The following BEST3 variants were observed in gnomAD, a reference collection of about 807,000 sequenced individuals.
BEST3 encodes the protein bestrophin 3.
A neutral mutation model predicts 47.1 loss-of-function variants in BEST3; 50 were observed. The ratio of observed to expected loss-of-function variants is 1.06; its 90% CI spans 0.85 to 1.34. The LOEUF (loss-of-function observed/expected upper bound fraction) is 1.34, where lower values mean the gene tolerates loss of function less well. BEST3 is among the 40% of genes most tolerant of loss of function. BEST3 has a pLI of 0.00. For synonymous variants in BEST3, 282 were observed against 298.8 expected (o/e 0.94, Z 0.58); for missense variants, 765 against 817.0 (o/e 0.94, Z 0.78).
rs541537961 is a variant in BEST3 at position 69,686,429 on chromosome 12, C to T, written c.481+7245G>A. Among the ~76,000 whole-genome samples, 77 of 151,958 alleles carry T rather than the reference C, an allele frequency of 5.1e-4. 1 individual carries two copies. Among genetic ancestry groups the T allele is most frequent in the Middle Eastern group, 3.4e-3 (1 of 294 alleles). On this transcript the variant is annotated intron_variant, in intron 4 of 9. Coordinates refer to ENST00000330891, the MANE Select transcript of BEST3 (RefSeq NM_032735.3). Reference sequence around the variant, plus strand: ...TATTATTGTTTTCCTTGAGTTTGTACATTAGTCCCAAAAAACAGCCTCAAG... The same window carrying T: ...TATTATTGTTTTCCTTGAGTTTGTATATTAGTCCCAAAAAACAGCCTCAAG...
intron 4 of BEST3, 134 bp downstream of exon 4, chr12:69,693,540 C>T (rs1886010181): frequency 4.0e-6 from 3 of 755,046 alleles, no homozygotes; most frequent in South Asian, 1.9e-5. Context: ...GCTGGGATTA[C>T]AGGCATGAGC....
intron 9 of BEST3, among the ~76,000 whole-genome samples, chr12:69,645,276 A>T (rs2135891046): frequency 6.6e-6 from 1 of 152,310 alleles, no homozygotes; most frequent in South Asian, 2.1e-4. Context: ...AAGCTCACTG[A>T]GTTTTTGTTA....
rs534973257 is a variant in BEST3 at position 69,671,352 on chromosome 12, T to C, written c.1100+76A>G. The C allele has an allele frequency of 1.8e-5, 24 of 1,340,248 alleles. No homozygotes were observed. In the East Asian group the frequency reaches 6.1e-4, roughly 34 times the overall value. 83.0% of individuals were successfully genotyped at this position (1,340,248 alleles called of 1,614,324 possible). On this transcript the variant is annotated intron_variant, in intron 9 of 9. Coordinates refer to ENST00000330891, the MANE Select transcript of BEST3 (RefSeq NM_032735.3). ...ACTTTAAATTATTTTATTTCTTTTTTTTTTTTTATAGAGACAAGGTCTCAC... is the reference window on the plus strand; with the variant it reads ...ACTTTAAATTATTTTATTTCTTTTTCTTTTTTTATAGAGACAAGGTCTCAC...
intron 9 of BEST3, 78 bp downstream of exon 9, chr12:69,671,350 T>C: frequency 7.6e-7 from 1 of 1,313,214 alleles, no homozygotes; most frequent in Non-Finnish European, 1.0e-6. Flanking sequence ...TTATTTCTTT[T>C]TTTTTTTTTA....
At chr12:69,678,507 G>A (rs1409548576) in intron 5 of BEST3, among the ~76,000 whole-genome samples, 1 of 152,106 alleles carries the variant, frequency 6.6e-6, no homozygotes. Flanking sequence ...CTATTACAAA[G>A]CATGATTCTG....
chr12:69,674,008 C>A (rs1284519138), intron 7 of BEST3, among the ~76,000 whole-genome samples: 1 of 152,078 alleles, frequency 6.6e-6, no homozygotes, highest in Non-Finnish European at 1.5e-5. Context: ...ACTCATCTAT[C>A]ATTTTCCTTG....
intron 9 of BEST3, among the ~76,000 whole-genome samples, chr12:69,664,739 G>A (rs1021915549): frequency 2.7e-5 from 4 of 149,060 alleles, no homozygotes; most frequent in Admixed American, 2.0e-4. Context: ...AGCCAATATA[G>A]TAGAGGTAGA....
rs748895193 is a variant in BEST3 at position 69,694,416 on chromosome 12, A to C, written c.201T>G (p.Ile67Met). ...TTTGTTCAGCATATCTGTCACAGTAAATTGATAATTTTTCAAAGTAACGTT... is the reference window on the plus strand; with the variant it reads ...TTTGTTCAGCATATCTGTCACAGTACATTGATAATTTTTCAAAGTAACGTT... ...VQKRYFEKLS[I>M]YCDRYAEQIP... is the part of the protein sequence containing the mutation. The change falls in exon 3 of 10, where the codon ATT (isoleucine) becomes ATG (methionine). Residue 67 changes from isoleucine to methionine, a missense_variant. Ile to Met is a conservative substitution (Grantham distance 10). Transcript: ENST00000330891. The C allele has an allele frequency of 1.2e-6, 2 of 1,609,920 alleles. No homozygotes were observed. The highest frequency in any genetic ancestry group is 1.7e-6 in the Non-Finnish European group (2 of 1,178,308).
intron 7 of BEST3, among the ~76,000 whole-genome samples, chr12:69,675,431 A>G (rs918711051): frequency 1.3e-5 from 2 of 152,180 alleles, no homozygotes; most frequent in Non-Finnish European, 1.5e-5. Context: ...ACAGTTTATA[A>G]AGGAAAAGGA....
intron 4 of BEST3, among the ~76,000 whole-genome samples, chr12:69,680,194 C>T (rs1389897314): frequency 2.6e-5 from 4 of 151,652 alleles, no homozygotes; most frequent in Non-Finnish European, 5.9e-5. Context: ...GATTGAATGA[C>T]TGAATAAGAG....
chr12:69,671,971 TTC>T (rs1884604649), intron 8 of BEST3, among the ~76,000 whole-genome samples: 1 of 152,252 alleles, frequency 6.6e-6, no homozygotes, highest in Non-Finnish European at 1.5e-5. Flanking sequence ...CCGCTTTTCA[TTC>T]TGTTAACCCT....
At chr12:69,666,993 T>A (rs1884262413) in intron 9 of BEST3, among the ~76,000 whole-genome samples, 1 of 152,216 alleles carries the variant, frequency 6.6e-6, no homozygotes, top group African/African-American at 2.4e-5. Context: ...TCTGGTCTTA[T>A]CCTCAGCTAT....
intron 9 of BEST3, among the ~76,000 whole-genome samples, chr12:69,668,839 C>T (rs766974056): frequency 6.6e-6 from 1 of 152,194 alleles, no homozygotes; most frequent in African/African-American, 2.4e-5. Context: ...TCCATCACTT[C>T]AGTTTCAAGA....
intron 4 of BEST3, among the ~76,000 whole-genome samples, chr12:69,686,185 G>GGA (rs1555208372): frequency 1.7e-5 from 2 of 117,796 alleles, no homozygotes; most frequent in Non-Finnish European, 3.5e-5. Flanking sequence ...AATGGATCAG[G>GGA]AAAAAAAAAA....
intron 4 of BEST3, chr12:69,689,313 TGCCG>T: frequency 1.0e-6 from 1 of 969,860 alleles, no homozygotes; most frequent in Non-Finnish European, 1.2e-6. Context: ...GAGTCAGCGC[TGCCG>T]GTGACAGCGG....
Position 69,655,568 on chromosome 12 carries a change from G to T in BEST3, c.1346C>A (p.Thr449Asn). The T allele has an allele frequency of 6.2e-7, 1 of 1,614,088 alleles. No homozygotes were observed. Among genetic ancestry groups the T allele is most frequent in the Non-Finnish European group, 8.5e-7 (1 of 1,180,008 alleles). ...PSRNPPRASPTWKKSCFPEGS... is the reference protein window; with the variant it reads ...PSRNPPRASPNWKKSCFPEGS... ...TTCTGGGAAGCAGGATTTCTTCCAG[G>T]TGGGTGAGGCCCTGGGGGGGTTTCT... Residue 449 changes from threonine (T) to asparagine (N), a missense_variant, in exon 10 of 10, where the codon ACC (threonine) becomes AAC (asparagine). Thr to Asn is a moderately conservative substitution (Grantham distance 65). Coordinates refer to ENST00000330891, the MANE Select transcript of BEST3 (RefSeq NM_032735.3).
intron 5 of BEST3, among the ~76,000 whole-genome samples, chr12:69,678,354 A>C (rs1006146845): frequency 5.9e-5 from 9 of 152,172 alleles, no homozygotes; most frequent in Non-Finnish European, 8.8e-5. Flanking sequence ...GGGAAATATT[A>C]GGCTGGGGAG....
rs2007738275 is a variant in BEST3, at chr12:69,653,851, T to A, written c.*1056A>T. 1.0e-6 allele frequency: 1 copy of A among 985,342 alleles called. No homozygotes were observed. The highest frequency in any genetic ancestry group is 1.7e-5 in the African/African-American group (1 of 57,234). The allele number at this position is 985,342 out of a possible 1,614,324, so 61.0% of individuals were successfully genotyped here. A position where few individuals can be genotyped will look rare whatever the true frequency, so the allele number is the denominator to read the frequency against. On this transcript the variant is annotated 3_prime_UTR_variant, in exon 10 of 10. Transcript: ENST00000330891. ...CAAATGACCCGATAGACACAGTAAC[T>A]GGTCCCGTGTTGCGACACGATTAGG...
downstream of BEST3, among the ~76,000 whole-genome samples, chr12:69,652,028 G>C (rs11177770): frequency 0.42 from 64,014 of 152,054 alleles, 15,369 homozygotes; most frequent in Middle Eastern, 0.59. Context: ...GACAATAAAG[G>C]AAGGGGAGAT....
Sources: gnomAD v4.1 joint callset for allele counts (sites outside exome capture counted in the v4.1 genomes callset) on GRCh38, gnomAD v4.1.1 for gene constraint, MANE v1.5 for transcripts, NCBI Gene and HGNC (gene_info 2026-07-23, HGNC 2026-07-21) for gene names.